Variants in WRN observed in about 807,000 individuals in gnomAD.
WRN encodes WRN RecQ like helicase, also known as bifunctional 3'-5' exonuclease/ATP-dependent helicase WRN.
WRN carries 149 observed loss-of-function variants against 180.7 expected under a neutral mutation model. The ratio of observed to expected loss-of-function variants is 0.82; its 90% confidence interval spans 0.72 to 0.94. WRN has a LOEUF of 0.94. Among genes scored for constraint, WRN ranks in the 40% least tolerant of loss-of-function variants. The pLI is 0.00. For missense variants in WRN, 1,661 were observed against 1,700.1 expected, an observed-to-expected ratio of 0.98 and a Z score of 0.40; for synonymous variants, 548 against 568.9, an observed-to-expected ratio of 0.96 and a Z score of 0.52.
chr8:31,065,071 C>T lies in WRN; in HGVS notation c.504+8C>T. 1 of 1,608,798 alleles carries T rather than the reference C, an allele frequency of 6.2e-7. No homozygotes were observed. The highest frequency in any genetic ancestry group is 1.1e-5 in the South Asian group (1 of 90,412). ...GATGTTGCCAATAAAAAGGTAAAAG[C>T]AATATATATATAATTTTCATGATGA... On this transcript the variant is annotated splice_region_variant and intron_variant, in intron 5 of 34. Transcript: ENST00000298139.
intron 18 of WRN, 49 bp downstream of exon 18, chr8:31,101,004 G>C (rs772834907): frequency 3.4e-6 from 5 of 1,489,888 alleles, no homozygotes; most frequent in Non-Finnish European, 4.7e-6. Flanking sequence ...TTAATAAGGA[G>C]AGCATTCAGG....
intron 26 of WRN, 51 bp downstream of exon 26, chr8:31,141,826 T>A: frequency 6.5e-7 from 1 of 1,547,070 alleles, no homozygotes. Context: ...TGTTGCTATT[T>A]ATGTGATTCA....
intron 23 of WRN, among the ~76,000 whole-genome samples, chr8:31,125,537 G>GATATATATATATATAT (rs71206299): frequency 0.027 from 1,694 of 63,490 alleles, 173 homozygotes; most frequent in Middle Eastern, 0.036. Context: ...ATATTATGGA[G>GATATATATATATATAT]ATATATATAT....
In WRN at chr8:31,116,371, A is replaced by C. The variant is rs1801517179; in HGVS notation, c.2291A>C (p.Glu764Ala). ...LVKTSSHWEF[E>A]GPTIIYCPSR... ...TTCTTTAGTTCCCACTGGGAATTTG[A>C]AGGTCCAACAATCATCTACTGTCCT... The change falls in exon 20 of 35, where the codon GAA (glutamate) becomes GCA (alanine). Residue 764 changes from glutamate to alanine, a missense_variant. This residue lies in a region of WRN where 1,141 missense variants were observed against 1,149.4 expected (regional missense o/e 0.99). Coordinates refer to ENST00000298139, the MANE Select transcript of WRN (RefSeq NM_000553.6). 6.2e-7 allele frequency: 1 copy of C among 1,613,770 alleles called. No individual in the cohort carries two copies. The highest frequency in any genetic ancestry group is 8.5e-7 in the Non-Finnish European group (1 of 1,179,910).
At chr8:31,061,170 T>C (rs980444584) in intron 3 of WRN, among the ~76,000 whole-genome samples, 4 of 152,188 alleles carry the variant, frequency 2.6e-5, no homozygotes, top group Non-Finnish European at 5.9e-5. Flanking sequence ...TTCCTTTTTT[T>C]CTTTCTGTGC....
chr8:31,097,420 C>A (rs1686561984), intron 17 of WRN, among the ~76,000 whole-genome samples: 1 of 152,090 alleles, frequency 6.6e-6, no homozygotes, highest in South Asian at 2.1e-4. Context: ...TGATATATAG[C>A]CCGGGTTGGA....
In WRN at chr8:31,076,196, A is replaced by G. The variant is rs767793936; in HGVS notation, c.748A>G (p.Met250Val). Reference sequence around the variant, plus strand: ...AGAGGAAGAAATCCTACTTAGCGACATGAACAAACAGTTGACTTCAATCTC... The same window carrying G: ...AGAGGAAGAAATCCTACTTAGCGACGTGAACAAACAGTTGACTTCAATCTC... ...NKEEEILLSD[M>V]NKQLTSISEE... is the part of the protein sequence containing the mutation. Residue 250 changes from methionine (M) to valine (V), a missense_variant, in exon 8 of 35, where the codon ATG becomes GTG. By Grantham distance (21) the Met-to-Val change is conservative (BLOSUM62 1). Transcript: ENST00000298139. The G allele has an allele frequency of 2.2e-5, 35 of 1,613,918 alleles. No individual in the cohort carries two copies. The highest frequency in any genetic ancestry group is 1.7e-4 in the Middle Eastern group (1 of 6,058).
At chr8:31,055,675 G>C (rs1812245450) in intron 1 of WRN, among the ~76,000 whole-genome samples, 1 of 151,848 alleles carries the variant, frequency 6.6e-6, no homozygotes, top group Non-Finnish European at 1.5e-5. Context: ...ACCTTTGTCA[G>C]CTGGATAGAT....
intron 6 of WRN, among the ~76,000 whole-genome samples, 167 bp downstream of exon 6, chr8:31,067,349 T>C (rs1390495901): frequency 1.3e-5 from 2 of 152,234 alleles, no homozygotes; most frequent in Non-Finnish European, 2.9e-5. Context: ...CTATTCATTT[T>C]CGATATTAAT....
intron 19 of WRN, among the ~76,000 whole-genome samples, chr8:31,112,628 C>T (rs1480328069): frequency 1.3e-5 from 2 of 151,916 alleles, no homozygotes; most frequent in African/African-American, 4.8e-5. Context: ...GCTCTGTCAC[C>T]CAGGCTGGAG....
At chr8:31,141,264 T>C (rs1802614660) in intron 24 of WRN, among the ~76,000 whole-genome samples, 166 bp from the exon 25 acceptor site, 1 of 152,208 alleles carries the variant, frequency 6.6e-6, no homozygotes, top group Non-Finnish European at 1.5e-5. Flanking sequence ...ATGTATTTAT[T>C]TGTGAGTGGA....
intron 1 of WRN, among the ~76,000 whole-genome samples, chr8:31,053,094 T>C (rs779935997): frequency 6.6e-6 from 1 of 152,222 alleles, no homozygotes; most frequent in Non-Finnish European, 1.5e-5. Context: ...TAAACATTTG[T>C]AACGATCCTC....
intron 16 of WRN, among the ~76,000 whole-genome samples, chr8:31,093,845 C>CA (rs1188239877): frequency 6.6e-6 from 1 of 152,136 alleles, no homozygotes. Context: ...TACATGGAGT[C>CA]ATTCATATTT....
intron 31 of WRN, among the ~76,000 whole-genome samples, chr8:31,152,821 C>T (rs1263456073): frequency 6.6e-6 from 1 of 152,038 alleles, no homozygotes; most frequent in South Asian, 2.1e-4. Context: ...GGCAGGTTAC[C>T]TGAGGCCAGG....
In WRN at chr8:31,162,878, T is replaced by TATG. The variant is rs35224697; in HGVS notation, c.3983-4123_3983-4121dup. On this transcript the variant is annotated intron_variant, in intron 33 of 34. Coordinates refer to ENST00000298139, the MANE Select transcript of WRN (RefSeq NM_000553.6). ...GGTAATAGCAAATGGTGGTGGCAAA[T>TATG]ATGATGATGATGATGATGATGATTG... 2.5e-3 allele frequency among the ~76,000 whole-genome samples: 373 copies of TATG among 151,908 alleles called. 3 individuals are homozygous for TATG. Among genetic ancestry groups the TATG allele is most frequent in the East Asian group, 4.1e-3 (21 of 5,176 alleles).
chr8:31,056,663 ACT>A (rs1283613857), intron 1 of WRN, among the ~76,000 whole-genome samples: 1 of 152,126 alleles, frequency 6.6e-6, no homozygotes, highest in Non-Finnish European at 1.5e-5. Context: ...TTGTATGAAC[ACT>A]CTAGTTTTAA....
intron 23 of WRN, among the ~76,000 whole-genome samples, chr8:31,130,687 C>A (rs183426196): frequency 4.0e-5 from 6 of 148,852 alleles, no homozygotes; most frequent in African/African-American, 1.5e-4. Flanking sequence ...GGAAGACTAT[C>A]TTGGAGTTAT....
At chr8:31,081,641 A>T (rs1420342860) in intron 9 of WRN, among the ~76,000 whole-genome samples, 1 of 152,124 alleles carries the variant, frequency 6.6e-6, no homozygotes, top group East Asian at 1.9e-4. Flanking sequence ...ATAATTTCGT[A>T]TGCTTTTTTC....
chr8:31,099,169 C>T (rs909371438), intron 17 of WRN, among the ~76,000 whole-genome samples: 10 of 151,528 alleles, frequency 6.6e-5, no homozygotes, highest in Middle Eastern at 3.4e-3. Flanking sequence ...GAGGCCGAGG[C>T]GGGTGGATCA....
Sources: allele counts gnomAD v4.1 joint callset (sites outside exome capture counted in the v4.1 genomes callset), GRCh38; gene constraint gnomAD v4.1.1; regional missense constraint gnomAD v4.1.1; transcripts MANE v1.5; gene names NCBI Gene and HGNC (gene_info 2026-07-23, HGNC 2026-07-21).